The following DNAAF6 variants were observed in gnomAD, a reference collection of about 807,000 sequenced individuals.
DNAAF6 encodes the protein dynein axonemal assembly factor 6.
Under a neutral mutation model 13.7 loss-of-function variants are expected in DNAAF6, and 3 were observed. The ratio of observed to expected loss-of-function variants is 0.22; its 90% CI spans 0.10 to 0.56. The LOEUF (loss-of-function observed/expected upper bound fraction) is 0.56. Ranked by LOEUF, DNAAF6 falls within the 20% of genes least tolerant of loss-of-function variation. The pLI is 0.92. For synonymous variants in DNAAF6, 54 were observed against 49.2 expected (o/e 1.10, Z -0.41); for missense variants, 130 against 151.0 (o/e 0.86, Z 0.73).
rs181121464 is a variant in DNAAF6, at chrX:107,219,992, T to C, written c.332+1023T>C. On this transcript the variant is annotated intron_variant, in intron 4 of 6. Coordinates refer to ENST00000372453, the MANE Select transcript of DNAAF6 (RefSeq NM_173494.2). Reference sequence around the variant, plus strand: ...TTTTGTATTTTTAGTAGAGACGGGGTTTCACCATGTTGGCCAGGCTGGTCT... The same window carrying C: ...TTTTGTATTTTTAGTAGAGACGGGGCTTCACCATGTTGGCCAGGCTGGTCT... Among the ~76,000 whole-genome samples the C allele has an allele frequency of 8.1e-5, 9 of 110,612 alleles. No homozygotes were observed. The Admixed American group carries it at 8.7e-4, about 11-fold the overall frequency.
chrX:107,234,168 C>A lies in DNAAF6; in HGVS notation c.430-4754C>A, dbSNP rs776980280. 5.4e-5 allele frequency among the ~76,000 whole-genome samples: 6 copies of A among 111,178 alleles called. No homozygotes were observed. The South Asian group carries it at 1.6e-3, about 29-fold the overall frequency. ...AGCATTTTTAAAAAGACAGGTGTGGCAATATAGTACTGGACTGTTTAAAAA... is the reference window on the plus strand; with the variant it reads ...AGCATTTTTAAAAAGACAGGTGTGGAAATATAGTACTGGACTGTTTAAAAA... On this transcript the variant is annotated intron_variant, in intron 5 of 6. Transcript: ENST00000372453.
chrX:107,229,127 CTTTT>C (rs768372176), intron 5 of DNAAF6, among the ~76,000 whole-genome samples: 17 of 51,596 alleles, frequency 3.3e-4, no homozygotes, highest in African/African-American at 1.0e-3. Context: ...GTTGACTACT[CTTTT>C]TTTTTTTTTT....
At chrX:107,233,599 C>T (rs1334679914) in intron 5 of DNAAF6, among the ~76,000 whole-genome samples, 13 of 110,065 alleles carry the variant, frequency 1.2e-4, no homozygotes, top group Non-Finnish European at 3.8e-5. Context: ...CTTTCTGTGT[C>T]TGGCATTTTT....
intron 5 of DNAAF6, among the ~76,000 whole-genome samples, chrX:107,235,782 T>TG (rs112852356): frequency 0.017 from 1,797 of 106,337 alleles, 49 homozygotes; most frequent in African/African-American, 0.057. Context: ...AATTATAAAT[T>TG]GGGGGGGGGA....
At chrX:107,233,976 G>T (rs1435255907) in intron 5 of DNAAF6, among the ~76,000 whole-genome samples, 1 of 111,685 alleles carries the variant, frequency 9.0e-6, no homozygotes, top group Admixed American at 9.5e-5. Flanking sequence ...AGAGTTAAAA[G>T]TATAATGAAT....
At chrX:107,223,266 G>A (rs1285605322) in intron 5 of DNAAF6, among the ~76,000 whole-genome samples, 3 of 111,321 alleles carry the variant, frequency 2.7e-5, no homozygotes, top group African/African-American at 9.8e-5. Flanking sequence ...TGTATTTCTC[G>A]TAATGACTCA....
intron 6 of DNAAF6, 79 bp downstream of exon 6, chrX:107,239,086 G>C: frequency 2.8e-6 from 3 of 1,082,579 alleles, no homozygotes; most frequent in East Asian, 6.9e-5. Flanking sequence ...AAAATGTACA[G>C]TTATTTTGTA....
chrX:107,224,474 T>C (rs1928213582), intron 5 of DNAAF6, among the ~76,000 whole-genome samples: 1 of 111,554 alleles, frequency 9.0e-6, no homozygotes, highest in Non-Finnish European at 1.9e-5. Context: ...GATACAAAAA[T>C]AAATGATAAA....
At chrX:107,224,778 T>A (rs1334019590) in intron 5 of DNAAF6, among the ~76,000 whole-genome samples, 1 of 110,136 alleles carries the variant, frequency 9.1e-6, no homozygotes, top group Non-Finnish European at 1.9e-5. Flanking sequence ...ACAATTGGAA[T>A]GTTCATAACA....
chrX:107,217,368 A>G (rs953205103), intron 3 of DNAAF6, among the ~76,000 whole-genome samples: 7 of 111,805 alleles, frequency 6.3e-5, no homozygotes, highest in African/African-American at 2.3e-4. Context: ...TTTAATAAAT[A>G]TTTATTGAGA....
chrX:107,229,929 C>T (rs190142768), intron 5 of DNAAF6, among the ~76,000 whole-genome samples: 26 of 110,184 alleles, frequency 2.4e-4, no homozygotes, highest in Middle Eastern at 9.3e-3. Flanking sequence ...CCTCGTGATC[C>T]GCCCGCCTCG....
intron 4 of DNAAF6, among the ~76,000 whole-genome samples, chrX:107,220,769 T>C (rs1928105105): frequency 9.0e-6 from 1 of 111,310 alleles, no homozygotes; most frequent in Admixed American, 9.5e-5. Flanking sequence ...ATAAAATGGA[T>C]GAGAGGAGAG....
intron 5 of DNAAF6, among the ~76,000 whole-genome samples, chrX:107,226,824 TTCCCAACATCACCTCC>T (rs1441705470): frequency 9.0e-6 from 1 of 111,560 alleles, no homozygotes; most frequent in Non-Finnish European, 1.9e-5. Flanking sequence ...AGCCTATTTT[TTCCCAACATCACCTCC>T]TCCCTAGGAT....
chrX:107,216,893 T>C (rs41311557), intron 3 of DNAAF6, 150 bp downstream of exon 3: 53 of 390,226 alleles, frequency 1.4e-4, no homozygotes, highest in Non-Finnish European at 2.2e-4. Flanking sequence ...AGATAGTAGA[T>C]TTTAAGTATT....
At chrX:107,210,568 A>G (rs5962804) in intron 1 of DNAAF6, among the ~76,000 whole-genome samples, 39,816 of 108,932 alleles carry the variant, frequency 0.37, 8,005 homozygotes, top group African/African-American at 0.76. Flanking sequence ...ACAGGGGCAC[A>G]CCACCGCGCC....
rs1241472665 is a variant in DNAAF6, at chrX:107,239,747, A to T, written c.515+740A>T. On this transcript the variant is annotated intron_variant, in intron 6 of 6. Transcript: ENST00000372453. ...TTGGCTTCTATAGTAAATGCATTTA[A>T]CCCAAAATGGTCTACAGATAAATAT... Among the ~76,000 whole-genome samples, 3 of 112,092 alleles carry T rather than the reference A, an allele frequency of 2.7e-5. No homozygotes were observed. In the Admixed American group the frequency reaches 2.8e-4, roughly 11 times the overall value.
chrX:107,243,451 G>T lies in DNAAF6; in HGVS notation c.*153G>T. 1 of 736,941 alleles carries T rather than the reference G, an allele frequency of 1.4e-6. No homozygotes were observed. Among genetic ancestry groups the T allele is most frequent in the Non-Finnish European group, 1.9e-6 (1 of 533,973 alleles). 60.7% of individuals were successfully genotyped at this position (736,941 alleles called of 1,213,427 possible). On this transcript the variant is annotated 3_prime_UTR_variant, in exon 7 of 7. Coordinates refer to ENST00000372453, the MANE Select transcript of DNAAF6 (RefSeq NM_173494.2). Reference sequence around the variant, plus strand: ...TCTAGTGATATTGTGACCATTTACAGTAATTTCTATTACTCTGTTAGGAAA... The same window carrying T: ...TCTAGTGATATTGTGACCATTTACATTAATTTCTATTACTCTGTTAGGAAA...
intron 5 of DNAAF6, among the ~76,000 whole-genome samples, chrX:107,226,462 T>C (rs1352140891): frequency 8.9e-6 from 1 of 111,925 alleles, no homozygotes; most frequent in East Asian, 2.8e-4. Context: ...ACTGGACCTC[T>C]TGGGTGCCAG....
intron 6 of DNAAF6, among the ~76,000 whole-genome samples, chrX:107,241,086 G>GT (rs1433934576): frequency 1.8e-5 from 2 of 111,901 alleles, no homozygotes; most frequent in Non-Finnish European, 3.8e-5. Flanking sequence ...CCTTAAAAAG[G>GT]TTTTTAACCC....
Sources: gnomAD v4.1 joint callset for allele counts (sites outside exome capture counted in the v4.1 genomes callset) on GRCh38, gnomAD v4.1.1 for gene constraint, MANE v1.5 for transcripts, NCBI Gene and HGNC (gene_info 2026-07-23, HGNC 2026-07-21) for gene names.